The following MYO5B variants were observed in gnomAD, a reference collection of about 807,000 sequenced individuals.
MYO5B encodes the protein unconventional myosin-Vb.
MYO5B carries 143 observed loss-of-function variants against 229.3 expected under a neutral mutation model. The observed-to-expected ratio is 0.62, with a 90% CI of 0.54 to 0.72. MYO5B has a LOEUF of 0.72. MYO5B is among the 30% of genes least tolerant of loss of function. The pLI is 0.00. For synonymous variants in MYO5B, 918 were observed against 885.2 expected (o/e 1.04, Z -0.66); for missense variants, 2,321 against 2,331.0 (o/e 1.00, Z 0.09).
chr18:49,881,111 A>G lies in MYO5B; in HGVS notation c.3046-656T>C, dbSNP rs989444846. On this transcript the variant is annotated intron_variant, in intron 22 of 39. Coordinates refer to ENST00000285039, the MANE Select transcript of MYO5B (RefSeq NM_001080467.3). ...GAGCCCCCAACCCCTTCTTCCAAATATACTCTTTTGTCTTTGTCTTTATTC... is the reference window on the plus strand; with the variant it reads ...GAGCCCCCAACCCCTTCTTCCAAATGTACTCTTTTGTCTTTGTCTTTATTC... 3.9e-5 allele frequency among the ~76,000 whole-genome samples: 6 copies of G among 152,172 alleles called. 1 individual carries two copies. The highest frequency in any genetic ancestry group is 2.9e-5 in the Non-Finnish European group (2 of 68,036).
At chr18:49,992,581 T>G in intron 5 of MYO5B, 150 bp from the exon 6 acceptor site, 1 of 1,192,886 alleles carries the variant, frequency 8.4e-7, no homozygotes, top group Non-Finnish European at 1.2e-6. Context: ...AGCTAAAGAA[T>G]AAAACAAAAA....
At position 49,949,515 on chromosome 18, in the gene MYO5B, A is replaced by G. The variant is rs185666518; in HGVS notation, c.1752+3745T>C. The stretch of plus-strand genomic sequence containing the variant: ...CAATGGAACTGGCTTCACTAATTAC[A>G]TTCTCATTAACACCCTGTTATTTCA... On this transcript the variant is annotated intron_variant, in intron 14 of 39. Coordinates refer to ENST00000285039, the MANE Select transcript of MYO5B (RefSeq NM_001080467.3). 3.3e-5 allele frequency among the ~76,000 whole-genome samples: 5 copies of G among 152,318 alleles called. No individual in the cohort carries two copies. The East Asian group carries it at 9.7e-4, about 29-fold the overall frequency.
chr18:50,095,640 T>C (rs2031535882), intron 1 of MYO5B, among the ~76,000 whole-genome samples: 1 of 152,220 alleles, frequency 6.6e-6, no homozygotes, highest in Non-Finnish European at 1.5e-5. Flanking sequence ...CCTAGCTGTC[T>C]TTCAGGAAAG....
At chr18:49,832,148 T>G (rs1272449765) in intron 39 of MYO5B, among the ~76,000 whole-genome samples, 1 of 152,184 alleles carries the variant, frequency 6.6e-6, no homozygotes, top group Non-Finnish European at 1.5e-5. Context: ...TGTAATATTG[T>G]GAATATACTT....
intron 1 of MYO5B, among the ~76,000 whole-genome samples, chr18:50,138,476 G>A (rs1434047573): frequency 6.6e-6 from 1 of 152,198 alleles, no homozygotes; most frequent in East Asian, 1.9e-4. Context: ...GACTGCAGAA[G>A]AAGTGGCAGC....
intron 14 of MYO5B, among the ~76,000 whole-genome samples, chr18:49,940,908 C>T (rs889908151): frequency 6.6e-6 from 1 of 152,200 alleles, no homozygotes; most frequent in Non-Finnish European, 1.5e-5. Flanking sequence ...CTACATCAAG[C>T]ATTTTAAACT....
At chr18:50,076,584 C>A (rs948000772) in intron 1 of MYO5B, among the ~76,000 whole-genome samples, 4 of 152,178 alleles carry the variant, frequency 2.6e-5, no homozygotes, top group African/African-American at 9.7e-5. Context: ...TTGGGCTTGT[C>A]AAATTCCTAG....
At chr18:49,923,124 T>C (rs2025092799) in intron 17 of MYO5B, among the ~76,000 whole-genome samples, 1 of 152,210 alleles carries the variant, frequency 6.6e-6, no homozygotes, top group South Asian at 2.1e-4. Flanking sequence ...TGCAACTTAC[T>C]GTGCCTCCTA....
chr18:49,840,034 G>A (rs769269371), intron 35 of MYO5B: 4 of 153,460 alleles, frequency 2.6e-5, no homozygotes, highest in Admixed American at 6.4e-5. Context: ...GGGGATAATT[G>A]TAATGATGAA....
chr18:50,060,830 A>T (rs1012032337), intron 1 of MYO5B, among the ~76,000 whole-genome samples: 3 of 152,170 alleles, frequency 2.0e-5, no homozygotes, highest in Non-Finnish European at 4.4e-5. Context: ...ATTGCCAGGC[A>T]ACACCCCATC....
intron 18 of MYO5B, among the ~76,000 whole-genome samples, chr18:49,908,347 C>A (rs1021138908): frequency 2.6e-5 from 4 of 152,180 alleles, no homozygotes; most frequent in African/African-American, 7.2e-5. Flanking sequence ...ACTGATCAGT[C>A]GATCAATCAT....
At chr18:49,940,145 G>T (rs2025297921) in intron 14 of MYO5B, among the ~76,000 whole-genome samples, 1 of 151,830 alleles carries the variant, frequency 6.6e-6, no homozygotes, top group Non-Finnish European at 1.5e-5. Flanking sequence ...GTAAGAATAG[G>T]TCCAAAATTC....
intron 1 of MYO5B, among the ~76,000 whole-genome samples, chr18:50,140,302 T>C (rs1015107879): frequency 6.6e-6 from 1 of 152,240 alleles, no homozygotes; most frequent in Non-Finnish European, 1.5e-5. Context: ...CAACACATTA[T>C]CTTTTTTGAA....
chr18:49,908,390 C>G lies in MYO5B; in HGVS notation c.2203-1760G>C, dbSNP rs537787717. On this transcript the variant is annotated intron_variant, in intron 18 of 39. Transcript: ENST00000285039. The stretch of plus-strand genomic sequence containing the variant: ...GAACCTTTCTCCAAGAGTCAGACTG[C>G]AGGGGCTGAAAGCAAACTTAGCAAT... 3.3e-5 allele frequency among the ~76,000 whole-genome samples: 5 copies of G among 152,336 alleles called. No homozygotes were observed. The South Asian group carries it at 8.3e-4, about 25-fold the overall frequency.
At chr18:49,954,108 T>C (rs1276193250) in intron 13 of MYO5B, among the ~76,000 whole-genome samples, 1 of 148,008 alleles carries the variant, frequency 6.8e-6, no homozygotes. Flanking sequence ...GCAACTATAG[T>C]ACCCCCTGTG....
chr18:50,028,487 G>T (rs922398081), intron 4 of MYO5B, among the ~76,000 whole-genome samples: 7 of 152,116 alleles, frequency 4.6e-5, no homozygotes, highest in African/African-American at 1.7e-4. Flanking sequence ...GAATGGCAGT[G>T]GGGGGAGCCA....
At chr18:50,068,064 A>C (rs1316109960) in intron 1 of MYO5B, among the ~76,000 whole-genome samples, 3 of 137,264 alleles carry the variant, frequency 2.2e-5, no homozygotes, top group African/African-American at 7.8e-5. Flanking sequence ...CACACACACA[A>C]CACTTTTAGA....
At chr18:49,963,281 G>T (rs2025582148) in intron 10 of MYO5B, among the ~76,000 whole-genome samples, 1 of 151,914 alleles carries the variant, frequency 6.6e-6, no homozygotes, top group Admixed American at 6.5e-5. Context: ...GTTTAAAAAA[G>T]AAAGTCAGCA....
At chr18:49,841,553 G>T in intron 34 of MYO5B, 99 bp from the exon 35 acceptor site, 1 of 1,127,492 alleles carries the variant, frequency 8.9e-7, no homozygotes, top group African/African-American at 1.5e-5. Context: ...CTTACCTAGT[G>T]TTCCTGAGCA....
Sources: allele counts gnomAD v4.1 joint callset (sites outside exome capture counted in the v4.1 genomes callset), GRCh38; gene constraint gnomAD v4.1.1; transcripts MANE v1.5; gene names NCBI Gene and HGNC (gene_info 2026-07-23, HGNC 2026-07-21).